The following NEK1 variants were observed in gnomAD, a reference collection of about 807,000 sequenced individuals.
The protein encoded by NEK1 is serine/threonine-protein kinase Nek1.
NEK1 carries 137 observed loss-of-function variants against 182.1 expected under a neutral mutation model. The ratio of observed to expected loss-of-function variants is 0.75; its 90% confidence interval spans 0.65 to 0.87. The LOEUF (loss-of-function observed/expected upper bound fraction) is 0.87. Among genes scored for constraint, NEK1 ranks in the 40% least tolerant of loss-of-function variants. NEK1 has a pLI of 0.00. For missense variants in NEK1, 1,391 were observed against 1,494.4 expected (o/e 0.93, Z 1.14); for synonymous variants, 513 against 492.2 (o/e 1.04, Z -0.56).
At chr4:169,579,610 G>T (rs978512345) in intron 11 of NEK1, among the ~76,000 whole-genome samples, 10 of 152,270 alleles carry the variant, frequency 6.6e-5, no homozygotes, top group Admixed American at 3.3e-4. Context: ...CCAACAGGGT[G>T]AAACCCTGTC....
chr4:169,396,951 C>T (rs963851449), intron 35 of NEK1, among the ~76,000 whole-genome samples: 6 of 152,140 alleles, frequency 3.9e-5, no homozygotes, highest in African/African-American at 1.4e-4. Flanking sequence ...GACAGGTAGG[C>T]TGGGTGCGGT....
At chr4:169,509,138 T>C (rs1753792026) in intron 19 of NEK1, among the ~76,000 whole-genome samples, 1 of 152,314 alleles carries the variant, frequency 6.6e-6, no homozygotes, top group Non-Finnish European at 1.5e-5. Flanking sequence ...TGTTTGTTTG[T>C]TTGTTTTAAA....
At chr4:169,523,475 C>T (rs1756418670) in intron 19 of NEK1, among the ~76,000 whole-genome samples, 2 of 152,290 alleles carry the variant, frequency 1.3e-5, no homozygotes, top group Non-Finnish European at 2.9e-5. Context: ...TGATAATATA[C>T]ACCAAGGAAG....
chr4:169,566,702 T>G (rs993579143), intron 12 of NEK1, among the ~76,000 whole-genome samples: 2 of 152,188 alleles, frequency 1.3e-5, no homozygotes, highest in African/African-American at 4.8e-5. Context: ...GCTTTCCTTT[T>G]TCAGGCTTGA....
At chr4:169,503,907 A>G (rs1440022970) in intron 23 of NEK1, among the ~76,000 whole-genome samples, 2 of 152,200 alleles carry the variant, frequency 1.3e-5, no homozygotes, top group Non-Finnish European at 2.9e-5. Flanking sequence ...GCTTCTGCAC[A>G]GCAAAGGAAA....
rs1460173734 is a variant in NEK1 at position 169,463,973 on chromosome 4, G to A, written c.2435-578C>T. On this transcript the variant is annotated intron_variant, in intron 26 of 35. Coordinates refer to ENST00000507142, the MANE Select transcript of NEK1 (RefSeq NM_001199397.3). Reference sequence around the variant, plus strand: ...ATCCATCTTATACACATAGACTTGAGGTAATTTTATATAATATTTTAAACA... The same window carrying A: ...ATCCATCTTATACACATAGACTTGAAGTAATTTTATATAATATTTTAAACA... 3.9e-5 allele frequency among the ~76,000 whole-genome samples: 6 copies of A among 151,992 alleles called. No homozygotes were observed. The East Asian group carries it at 7.7e-4, about 20-fold the overall frequency.
rs577666539 is a variant in NEK1 at position 169,501,905 on chromosome 4, C to T, written c.2007+5132G>A. Among the ~76,000 whole-genome samples, 108 of 151,568 alleles carry T rather than the reference C, an allele frequency of 7.1e-4. 1 individual carries two copies. Among genetic ancestry groups the T allele is most frequent in the African/African-American group, 9.2e-4 (38 of 41,334 alleles). On this transcript the variant is annotated intron_variant, in intron 23 of 35. Coordinates refer to ENST00000507142, the MANE Select transcript of NEK1 (RefSeq NM_001199397.3). ...CGAAAAGAAATAACTAAAATCAGAG[C>T]GGAATTAAATTAAATTGAGACCAAA...
chr4:169,551,241 T>C lies in NEK1; in HGVS notation c.1562+4479A>G, dbSNP rs1340114888. Reference sequence around the variant, plus strand: ...GTTATTAATACTGGCCCAGGGGCAATAAAACAGGCACTATCATACACTGTT... The same window carrying C: ...GTTATTAATACTGGCCCAGGGGCAACAAAACAGGCACTATCATACACTGTT... On this transcript the variant is annotated intron_variant, in intron 18 of 35. Transcript: ENST00000507142. 2.0e-5 allele frequency among the ~76,000 whole-genome samples: 3 copies of C among 152,178 alleles called. No homozygotes were observed. The East Asian group carries it at 5.8e-4, about 29-fold the overall frequency.
chr4:169,612,550 G>T lies in NEK1; in HGVS notation c.-501C>A, dbSNP rs907148939. The T allele has an allele frequency of 2.0e-5, 3 of 152,140 alleles. No homozygotes were observed. The highest frequency in any genetic ancestry group is 7.2e-5 in the African/African-American group (3 of 41,384). 9.4% of individuals were successfully genotyped at this position (152,140 alleles called of 1,614,324 possible). A position where few individuals can be genotyped will look rare whatever the true frequency, so the allele number is the denominator to read the frequency against. On this transcript the variant is annotated 5_prime_UTR_variant, in exon 1 of 36. Coordinates refer to ENST00000507142, the MANE Select transcript of NEK1 (RefSeq NM_001199397.3). ...GAGGCCAGGGTAGGGTAAGGACTCC[G>T]CAACCTAGGGTCCCAAAACCCTGGA...
At chr4:169,404,551 G>A (rs562199190) in intron 32 of NEK1, among the ~76,000 whole-genome samples, 80 of 152,190 alleles carry the variant, frequency 5.3e-4, no homozygotes, top group East Asian at 3.5e-3. Flanking sequence ...AAAGGTAAAA[G>A]TAAAAAGCAG....
chr4:169,444,633 T>C (rs536087548), intron 27 of NEK1, among the ~76,000 whole-genome samples: 2 of 152,236 alleles, frequency 1.3e-5, no homozygotes, highest in South Asian at 4.1e-4. Flanking sequence ...CAGGGAGAGA[T>C]AGACTCCAAT....
intron 26 of NEK1, among the ~76,000 whole-genome samples, chr4:169,471,186 TGGA>T (rs1375049050): frequency 5.3e-5 from 8 of 152,198 alleles, no homozygotes; most frequent in Admixed American, 3.3e-4. Context: ...TGTGATACTT[TGGA>T]GGAGAAGAGG....
chr4:169,399,514 T>C (rs1366622580), intron 35 of NEK1, among the ~76,000 whole-genome samples: 2 of 151,840 alleles, frequency 1.3e-5, no homozygotes, highest in South Asian at 2.1e-4. Context: ...GGGGTGGAGG[T>C]TGCAATGAGC....
rs368087879 is a variant in NEK1 at position 169,585,343 on chromosome 4, A to T, written c.807+6T>A. 2 of 1,609,796 alleles carry T rather than the reference A, an allele frequency of 1.2e-6. No homozygotes were observed. Among genetic ancestry groups the T allele is most frequent in the Non-Finnish European group, 1.7e-6 (2 of 1,177,398 alleles). ...ACTGTTTAATTTTAAAGGAAAAAGA[A>T]CTTACCTGAGGAGAGAGAAACTTTT... On this transcript the variant is annotated splice_donor_region_variant and intron_variant, in intron 10 of 35. Coordinates refer to ENST00000507142, the MANE Select transcript of NEK1 (RefSeq NM_001199397.3).
At chr4:169,445,072 A>G (rs1181391117) in intron 27 of NEK1, among the ~76,000 whole-genome samples, 1 of 152,220 alleles carries the variant, frequency 6.6e-6, no homozygotes, top group African/African-American at 2.4e-5. Context: ...GAAACACAAC[A>G]AACCAAAATC....
intron 18 of NEK1, among the ~76,000 whole-genome samples, chr4:169,538,766 T>C (rs1181595135): frequency 6.6e-6 from 1 of 151,392 alleles, no homozygotes; most frequent in African/African-American, 2.4e-5. Context: ...AGAAACTTCC[T>C]ATAAAGACTT....
chr4:169,428,291 T>C (rs781253134), intron 29 of NEK1, among the ~76,000 whole-genome samples: 13 of 145,436 alleles, frequency 8.9e-5, no homozygotes, highest in African/African-American at 3.0e-4. Flanking sequence ...ACTCTTCCAA[T>C]AGCCAGATGG....
chr4:169,496,136 T>C (rs1580208598), intron 23 of NEK1, among the ~76,000 whole-genome samples: 1 of 152,338 alleles, frequency 6.6e-6, no homozygotes, highest in East Asian at 1.9e-4. Context: ...GTAAGTTGGA[T>C]TGCTAGGTAT....
chr4:169,539,717 T>G (rs976319797), intron 18 of NEK1, among the ~76,000 whole-genome samples: 5 of 152,294 alleles, frequency 3.3e-5, no homozygotes, highest in African/African-American at 9.6e-5. Flanking sequence ...AGACATGTCA[T>G]CTGAAACTCT....
Sources: gnomAD v4.1 joint callset for allele counts (sites outside exome capture counted in the v4.1 genomes callset) on GRCh38, gnomAD v4.1.1 for gene constraint, MANE v1.5 for transcripts, NCBI Gene and HGNC (gene_info 2026-07-23, HGNC 2026-07-21) for gene names.